Variants in ZKSCAN2 observed in about 807,000 individuals in gnomAD.
The protein encoded by ZKSCAN2 is zinc finger protein with KRAB and SCAN domains 2.
A neutral mutation model predicts 90.5 loss-of-function variants in ZKSCAN2; 38 were observed. The ratio of observed to expected loss-of-function variants is 0.42; its 90% CI spans 0.32 to 0.55. The LOEUF (loss-of-function observed/expected upper bound fraction) is 0.55. Among genes scored for constraint, ZKSCAN2 ranks in the 20% least tolerant of loss-of-function variants. The pLI is 0.11. For synonymous variants in ZKSCAN2, 429 were observed against 421.6 expected, an observed-to-expected ratio of 1.02 and a Z score of -0.22; for missense variants, 1,167 against 1,202.6, an observed-to-expected ratio of 0.97 and a Z score of 0.44.
At chr16:25,245,838 A>G (rs1261779867) in intron 5 of ZKSCAN2, among the ~76,000 whole-genome samples, 1 of 152,142 alleles carries the variant, frequency 6.6e-6, no homozygotes, top group Admixed American at 6.5e-5. Flanking sequence ...CAGTGATACC[A>G]GGCAATGCTG....
intron 2 of ZKSCAN2, among the ~76,000 whole-genome samples, chr16:25,253,308 C>T (rs1477093420): frequency 6.6e-6 from 1 of 152,054 alleles, no homozygotes; most frequent in Non-Finnish European, 1.5e-5. Flanking sequence ...ATTGAAAGGG[C>T]ACTGCCAATG....
In ZKSCAN2 at chr16:25,236,573, A is replaced by G. The variant is rs1157340854; in HGVS notation, c.*3243T>C. The G allele has an allele frequency of 6.6e-6, 1 of 152,254 alleles. No individual in the cohort carries two copies. Among genetic ancestry groups the G allele is most frequent in the Non-Finnish European group, 1.5e-5 (1 of 68,060 alleles). The allele number at this position is 152,254 out of a possible 1,614,324, so 9.4% of individuals were successfully genotyped here. ...TCAGATGAGGAGCCGAGGCCCAGAG[A>G]GGCTATGATGTGTCAAACAACACTC... On this transcript the variant is annotated 3_prime_UTR_variant, in exon 7 of 7. Coordinates refer to ENST00000328086, the MANE Select transcript of ZKSCAN2 (RefSeq NM_001012981.5).
rs1315059833 is a variant in ZKSCAN2 at position 25,239,916 on chromosome 16, T to C, written c.2804A>G (p.Glu935Gly). The part of the protein sequence containing the change: ...SKSSVLTKHR[E>G]VHVREKPLPH... ...CAGAGGCTTTTCTCTCACATGAACT[T>C]CCCGATGTTTGGTAAGAACAGAACT... Residue 935 changes from glutamate (E) to glycine (G), a missense_variant, in exon 7 of 7, where the codon GAA (glutamate) becomes GGA (glycine). Physicochemically the swap from Glu to Gly is moderately conservative, Grantham distance 98. Transcript: ENST00000328086. 2 of 1,614,024 alleles carry C rather than the reference T, an allele frequency of 1.2e-6. No homozygotes were observed. The highest frequency in any genetic ancestry group is 2.7e-5 in the African/African-American group (2 of 74,912).
In ZKSCAN2 at chr16:25,247,368, G is replaced by A. The variant is rs768942869; in HGVS notation, c.828C>T (p.Asn276=). Residue 276 remains asparagine, a synonymous_variant, in exon 5 of 7, where the codon AAC becomes AAT. Transcript: ENST00000328086. The part of the protein sequence containing the change: ...VSLGSAVSTS[N]KITRLEQRKE... Reference sequence around the variant, plus strand: ...TTCTCTGTTCCAACCGGGTTATCTTGTTAGATGTAGACACTGCACTTCCTA... The same window carrying A: ...TTCTCTGTTCCAACCGGGTTATCTTATTAGATGTAGACACTGCACTTCCTA... The A allele has an allele frequency of 1.9e-6, 3 of 1,609,464 alleles. No individual in the cohort carries two copies. Among genetic ancestry groups the A allele is most frequent in the Non-Finnish European group, 2.5e-6 (3 of 1,179,758 alleles).
At chr16:25,252,496 G>GT (rs1333165567) in intron 3 of ZKSCAN2, among the ~76,000 whole-genome samples, 3 of 152,032 alleles carry the variant, frequency 2.0e-5, no homozygotes, top group African/African-American at 7.2e-5. Flanking sequence ...TATATTTAAA[G>GT]TAAGTATAAG....
At position 25,247,216 on chromosome 16, in the gene ZKSCAN2, T is replaced by G. The variant is rs1567352391; in HGVS notation, c.980A>C (p.Glu327Ala). The G allele has an allele frequency of 6.2e-7, 1 of 1,614,206 alleles. No individual in the cohort carries two copies. Among genetic ancestry groups the G allele is most frequent in the Non-Finnish European group, 8.5e-7 (1 of 1,180,028 alleles). The stretch of plus-strand genomic sequence containing the variant: ...ATCTTCTAAACCCCACTGCTGCTGC[T>G]CTCTCCATGTTTTTCCTGCACTCCT... ...PARSAGKTWR[E>A]QQQWGLEDEK... is the part of the protein sequence containing the mutation. Residue 327 changes from glutamate to alanine, a missense_variant, in exon 5 of 7, where the codon GAG (glutamate) becomes GCG (alanine). Physicochemically the swap from Glu to Ala is moderately radical, Grantham distance 107 (BLOSUM62 -1). Transcript: ENST00000328086.
chr16:25,245,258 C>T (rs566668098), intron 5 of ZKSCAN2, among the ~76,000 whole-genome samples: 1 of 152,286 alleles, frequency 6.6e-6, no homozygotes, highest in South Asian at 2.1e-4. Flanking sequence ...GAGTGTGCCA[C>T]CATGCCTGGC....
intron 1 of ZKSCAN2, among the ~76,000 whole-genome samples, chr16:25,255,645 G>A (rs904362926): frequency 1.4e-4 from 21 of 152,302 alleles, no homozygotes; most frequent in Middle Eastern, 6.8e-3. Context: ...GCAATGGCAC[G>A]ATCTTGGCTC....
At position 25,244,206 on chromosome 16, in the gene ZKSCAN2, C is replaced by T. The variant is rs774367583; in HGVS notation, c.1560G>A (p.Ala520=). The change falls in exon 6 of 7, where the codon GCG becomes GCA. Residue 520 remains alanine, a synonymous_variant. Transcript: ENST00000328086. The part of the protein sequence containing the change: ...DILRETRFYE[A]LQACHRKSKL... ...TGCTCTTCCGATGACAGGCTTGAAG[C>T]GCTTCATAAAACCGAGTCTCACGGA... is the stretch of plus-strand genomic sequence containing the variant. The T allele has an allele frequency of 2.4e-5, 39 of 1,613,990 alleles. No homozygotes were observed. The highest frequency in any genetic ancestry group is 2.9e-5 in the Non-Finnish European group (34 of 1,180,026).
At position 25,255,303 on chromosome 16, in the gene ZKSCAN2, T is replaced by TTTGCGCCCTGGG; in HGVS notation, c.488_489insCCCAGGGCGCAA (p.Gln163delinsHisProGlyArgLys). On this transcript the variant is annotated protein_altering_variant, in exon 2 of 7. Transcript: ENST00000328086. ...GTTCCTCCCGAGACACCGCCCTGGG[T>TTTGCGCCCTGGG]TGGGTCTCCACCTGCTCTGGCTGGA... 2 of 1,613,628 alleles carry TTTGCGCCCTGGG rather than the reference T, an allele frequency of 1.2e-6. No homozygotes were observed. Among genetic ancestry groups the TTTGCGCCCTGGG allele is most frequent in the Non-Finnish European group, 1.7e-6 (2 of 1,179,886 alleles).
At chr16:25,249,756 A>G (rs1962990902) in intron 4 of ZKSCAN2, among the ~76,000 whole-genome samples, 1 of 152,214 alleles carries the variant, frequency 6.6e-6, no homozygotes, top group Non-Finnish European at 1.5e-5. Context: ...GTGGGAATGT[A>G]AACAGGTACA....
chr16:25,240,264 C>T lies in ZKSCAN2; in HGVS notation c.2456G>A (p.Gly819Asp). ...GKSFNDSSNF[G>D]AHQRIHTGEK... ...TCCTGTGTGGATTCTCTGGTGGGCA[C>T]CAAAATTTGAGGAGTCATTAAAGCT... The change falls in exon 7 of 7, where the codon GGT (glycine) becomes GAT (aspartate). Residue 819 changes from glycine (G) to aspartate (D), a missense_variant. Gly to Asp is a moderately conservative substitution (Grantham distance 94, BLOSUM62 -1). Transcript: ENST00000328086. 6.2e-7 allele frequency: 1 copy of T among 1,611,714 alleles called. No homozygotes were observed. The highest frequency in any genetic ancestry group is 8.5e-7 in the Non-Finnish European group (1 of 1,179,052).
In ZKSCAN2 at chr16:25,240,697, T is replaced by G. The variant is rs779830282; in HGVS notation, c.2023A>C (p.Ile675Leu). The change falls in exon 7 of 7, where the codon ATA (isoleucine) becomes CTA (leucine). Residue 675 changes from isoleucine to leucine, a missense_variant. Transcript: ENST00000328086. ...TGCTGTTCCATGTCCTTATATACTA[T>G]CTGTGTTGGATCCTCCTTGATGCTA... ...GSSIKEDPTQ[I>L]VYKDMEQHRA... 1.2e-6 allele frequency: 2 copies of G among 1,613,776 alleles called. No individual in the cohort carries two copies. Among genetic ancestry groups the G allele is most frequent in the South Asian group, 2.2e-5 (2 of 91,050 alleles).
intron 5 of ZKSCAN2, chr16:25,246,154 T>A (rs961056632): frequency 6.5e-6 from 1 of 153,588 alleles, no homozygotes; most frequent in Non-Finnish European, 1.4e-5. Context: ...TAATCTTAGT[T>A]CTTTAAGTTT....
In ZKSCAN2 at chr16:25,239,179, C is replaced by T. The variant is rs1302514573; in HGVS notation, c.*637G>A. On this transcript the variant is annotated 3_prime_UTR_variant, in exon 7 of 7. Coordinates refer to ENST00000328086, the MANE Select transcript of ZKSCAN2 (RefSeq NM_001012981.5). ...ATGAGGGGTGATCAATTGCTTCTCA[C>T]CTCCATGGAGGGCAAGGCATTAGTA... The T allele has an allele frequency of 6.6e-6, 1 of 152,314 alleles. No individual in the cohort carries two copies. The highest frequency in any genetic ancestry group is 1.9e-4 in the East Asian group (1 of 5,176). The allele number at this position is 152,314 out of a possible 1,614,324, so 9.4% of individuals were successfully genotyped here. A position where few individuals can be genotyped will look rare whatever the true frequency, so the allele number is the denominator to read the frequency against.
In ZKSCAN2 at chr16:25,243,894, G is replaced by A. The variant is rs149396196; in HGVS notation, c.1872C>T (p.Thr624=). Residue 624 remains threonine, a synonymous_variant, in exon 6 of 7, where the codon ACC becomes ACT. Coordinates refer to ENST00000328086, the MANE Select transcript of ZKSCAN2 (RefSeq NM_001012981.5). ...QEPTGWEPEE[T]SQEAVIEDSC... ...AGTCTTCTATTACTGCCTCCTGTGA[G>A]GTCTCTTCAGGTTCCCAGCCTGTAG... 1 of 1,614,022 alleles carries A rather than the reference G, an allele frequency of 6.2e-7. No individual in the cohort carries two copies. Among genetic ancestry groups the A allele is most frequent in the Non-Finnish European group, 8.5e-7 (1 of 1,180,014 alleles).
At chr16:25,246,682 C>CA (rs760145080) in intron 5 of ZKSCAN2, 25 bp downstream of exon 5, 1 of 1,612,540 alleles carries the variant, frequency 6.2e-7, no homozygotes, top group Non-Finnish European at 8.5e-7. Context: ...GTTTTCCTAC[C>CA]AGAGAAACAA....
chr16:25,253,173 A>G, intron 2 of ZKSCAN2, 136 bp from the exon 3 acceptor site: 1 of 720,194 alleles, frequency 1.4e-6, no homozygotes, highest in South Asian at 1.7e-5. Context: ...AGTTCAGAAC[A>G]ATCCCCAAAA....
rs1459284887 is a variant in ZKSCAN2, at chr16:25,239,998, T to C, written c.2722A>G (p.Ile908Val). Residue 908 changes from isoleucine (I) to valine (V), a missense_variant, in exon 7 of 7, where the codon ATA becomes GTA. Coordinates refer to ENST00000328086, the MANE Select transcript of ZKSCAN2 (RefSeq NM_001012981.5). Reference protein sequence around the residue: ...NCTRFREHRRIHTGEKPYGCA... With the variant: ...NCTRFREHRRVHTGEKPYGCA... ...CCATAGGGCTTCTCTCCAGTGTGTA[T>C]TCTCCGATGTTCTCGAAATCTCGTA... 1 of 1,614,016 alleles carries C rather than the reference T, an allele frequency of 6.2e-7. No homozygotes were observed. Among genetic ancestry groups the C allele is most frequent in the South Asian group, 1.1e-5 (1 of 91,066 alleles).
Sources: allele counts gnomAD v4.1 joint callset (sites outside exome capture counted in the v4.1 genomes callset), GRCh38; gene constraint gnomAD v4.1.1; transcripts MANE v1.5; gene names NCBI Gene and HGNC (gene_info 2026-07-23, HGNC 2026-07-21).